CDC42SE2: variants seen among roughly 807,000 people sequenced by gnomAD.
CDC42SE2 encodes the protein CDC42 small effector 2.
Under a neutral mutation model 11.5 loss-of-function variants are expected in CDC42SE2, and 3 were observed. That is an observed-to-expected ratio of 0.26 (90% CI 0.12 to 0.67). CDC42SE2 has a LOEUF of 0.67. CDC42SE2 is among the 30% of genes least tolerant of loss of function. CDC42SE2 has a pLI of 0.80. For missense variants in CDC42SE2, 82 were observed against 106.8 expected (o/e 0.77, Z 1.02); for synonymous variants, 33 against 34.8 (o/e 0.95, Z 0.18).
At chr5:131,341,729 G>A (rs565323281) in intron 2 of CDC42SE2, among the ~76,000 whole-genome samples, 9 of 152,154 alleles carry the variant, frequency 5.9e-5, no homozygotes, top group South Asian at 2.1e-4. Context: ...AAAAAACTAA[G>A]CAATTAAAAA....
At chr5:131,224,633 C>T in the CDC42SE2 span, among the ~76,000 whole-genome samples, 4 of 152,136 alleles carry the variant, frequency 2.6e-5, no homozygotes, top group Non-Finnish European at 5.9e-5. Flanking sequence ...AGTCCATTCT[C>T]AAAACAGCAG....
At chr5:131,227,400 T>G in the CDC42SE2 span, among the ~76,000 whole-genome samples, 5 of 151,486 alleles carry the variant, frequency 3.3e-5, no homozygotes, top group Admixed American at 6.6e-5. Context: ...TTTGGGAGAC[T>G]GAGGCAGGTG....
chr5:131,307,772 G>A (rs1283560298), intron 1 of CDC42SE2, among the ~76,000 whole-genome samples: 2 of 152,212 alleles, frequency 1.3e-5, no homozygotes, highest in South Asian at 2.1e-4. Context: ...ACTGGTGTGA[G>A]ATGGTATGTC....
intron 2 of CDC42SE2, among the ~76,000 whole-genome samples, chr5:131,350,839 T>G (rs1252947291): frequency 6.6e-6 from 1 of 152,168 alleles, no homozygotes. Context: ...AATGACTACC[T>G]TGCTTCTAAG....
chr5:131,292,569 A>AAAAAC (rs1337395157), intron 1 of CDC42SE2, among the ~76,000 whole-genome samples: 1 of 150,024 alleles, frequency 6.7e-6, no homozygotes, highest in Non-Finnish European at 1.5e-5. Flanking sequence ...CAAAAAAAAA[A>AAAAAC]AAAAAACAAA....
In CDC42SE2 at chr5:131,309,458, CAT is replaced by C. The variant is rs1757852473; in HGVS notation, c.-454-6516_-454-6515del. Among the ~76,000 whole-genome samples, 5 of 152,138 alleles carry C rather than the reference CAT, an allele frequency of 3.3e-5. No homozygotes were observed. The South Asian group carries it at 1.0e-3, about 32-fold the overall frequency. On this transcript the variant is annotated intron_variant, in intron 1 of 4. Coordinates refer to ENST00000505065, the MANE Select transcript of CDC42SE2 (RefSeq NM_001375635.1). Reference sequence around the variant, plus strand: ...GTTGGTATCAGAATGATGCTGGCCTCATAAAATGAGTTAGGGAGGATTCCCTC... The same window carrying C: ...GTTGGTATCAGAATGATGCTGGCCTCAAAATGAGTTAGGGAGGATTCCCTC...
chr5:131,351,926 T>C (rs1050208230), intron 2 of CDC42SE2, among the ~76,000 whole-genome samples: 2 of 152,148 alleles, frequency 1.3e-5, no homozygotes, highest in African/African-American at 2.4e-5. Context: ...GGAGAAAGGA[T>C]TGACCTAGAA....
At chr5:131,367,017 A>G (rs955538562) in intron 3 of CDC42SE2, among the ~76,000 whole-genome samples, 1 of 151,722 alleles carries the variant, frequency 6.6e-6, no homozygotes, top group Non-Finnish European at 1.5e-5. Context: ...ACAGAGTGAA[A>G]CCCTGTTTCA....
intron 3 of CDC42SE2, among the ~76,000 whole-genome samples, chr5:131,368,940 T>C (rs1378311060): frequency 6.6e-6 from 1 of 152,238 alleles, no homozygotes; most frequent in Non-Finnish European, 1.5e-5. Flanking sequence ...GTATAAAAGT[T>C]ATGAAACAAA....
At chr5:131,225,749 T>C in the CDC42SE2 span, among the ~76,000 whole-genome samples, 1 of 152,146 alleles carries the variant, frequency 6.6e-6, no homozygotes, top group Non-Finnish European at 1.5e-5. Context: ...TCTCTCATTG[T>C]TTCTAGACCT....
intron 2 of CDC42SE2, among the ~76,000 whole-genome samples, chr5:131,348,261 A>C (rs560905664): frequency 6.6e-6 from 1 of 152,210 alleles, no homozygotes; most frequent in Admixed American, 6.5e-5. Context: ...ATCTCAGCCC[A>C]AAATCTCCTT....
At chr5:131,261,416 TATTTA>T (rs1314834984), upstream of CDC42SE2, 1 of 152,252 alleles carries the variant, frequency 6.6e-6, no homozygotes, top group Non-Finnish European at 1.5e-5. Context: ...AACAAAAGTC[TATTTA>T]ATTTTATAAA....
At chr5:131,295,775 C>T (rs1028460994) in intron 1 of CDC42SE2, among the ~76,000 whole-genome samples, 6 of 152,000 alleles carry the variant, frequency 3.9e-5, no homozygotes, top group African/African-American at 1.2e-4. Context: ...CTCCACCTCC[C>T]GGGTTCACGC....
intron 1 of CDC42SE2, among the ~76,000 whole-genome samples, chr5:131,283,607 C>T (rs1757283829): frequency 6.6e-6 from 1 of 151,882 alleles, no homozygotes; most frequent in Non-Finnish European, 1.5e-5. Context: ...GATTCTCCTG[C>T]CTCAGCCTCC....
intron 2 of CDC42SE2, among the ~76,000 whole-genome samples, chr5:131,321,749 G>C (rs1758194664): frequency 6.6e-6 from 1 of 152,012 alleles, no homozygotes; most frequent in South Asian, 2.1e-4. Context: ...GCGTCGTACT[G>C]GGTAAAAGGA....
At chr5:131,327,455 T>G (rs1758321794) in intron 2 of CDC42SE2, among the ~76,000 whole-genome samples, 1 of 152,226 alleles carries the variant, frequency 6.6e-6, no homozygotes, top group African/African-American at 2.4e-5. Flanking sequence ...CTTTTTCTTT[T>G]GAGTATTCTT....
chr5:131,309,354 T>C (rs1429276817), intron 1 of CDC42SE2, among the ~76,000 whole-genome samples: 1 of 152,074 alleles, frequency 6.6e-6, no homozygotes, highest in East Asian at 1.9e-4. Context: ...TTGCCAGTAT[T>C]TTATTGAGGA....
intron 2 of CDC42SE2, among the ~76,000 whole-genome samples, chr5:131,344,021 G>T (rs1172837167): frequency 6.6e-6 from 1 of 152,178 alleles, no homozygotes; most frequent in African/African-American, 2.4e-5. Flanking sequence ...GGAAAAGGAA[G>T]ATGTTAGAAA....
chr5:131,212,959 G>A, the CDC42SE2 span, among the ~76,000 whole-genome samples: 1 of 152,202 alleles, frequency 6.6e-6, no homozygotes, highest in African/African-American at 2.4e-5. Flanking sequence ...GGAAGGCCAA[G>A]GTGGGTGGAT....
Sources: allele counts gnomAD v4.1 joint callset (sites outside exome capture counted in the v4.1 genomes callset), GRCh38; gene constraint gnomAD v4.1.1; transcripts MANE v1.5; gene names NCBI Gene and HGNC (gene_info 2026-07-23, HGNC 2026-07-21).